Variants in HDGFL3 observed in about 807,000 individuals in gnomAD.
HDGFL3 encodes hepatoma-derived growth factor-related protein 3.
In HDGFL3, 6 loss-of-function variants were observed where a neutral mutation model predicts 27.6. That is an observed-to-expected ratio of 0.22 (90% confidence interval 0.12 to 0.43). The LOEUF is 0.43. HDGFL3 is among the 20% of genes least tolerant of loss of function. The pLI is 1.00. For missense variants in HDGFL3, 207 were observed against 250.1 expected (o/e 0.83, Z 1.16); for synonymous variants, 88 against 88.9 (o/e 0.99, Z 0.05).
At chr15:83,178,508 A>T (rs945944308) in intron 1 of HDGFL3, among the ~76,000 whole-genome samples, 9 of 152,102 alleles carry the variant, frequency 5.9e-5, no homozygotes, top group African/African-American at 2.2e-4. Flanking sequence ...CTACAACAAC[A>T]ATAAAATTAG....
intron 2 of HDGFL3, among the ~76,000 whole-genome samples, chr15:83,163,170 G>T (rs549598061): frequency 6.6e-6 from 1 of 152,312 alleles, no homozygotes; most frequent in East Asian, 1.9e-4. Context: ...TGAACAAAAA[G>T]AAGTTAGTTG....
rs772128336 is a variant in HDGFL3, at chr15:83,130,458, T to C, written c.*8812A>G. On this transcript the variant is annotated 3_prime_UTR_variant, in exon 6 of 6. Transcript: ENST00000299633. ...GGCTTATCCATCACTGCCCAGTTGATAAGGCAGCCTGAAGCCCCTCTCTTG... is the reference window on the plus strand; with the variant it reads ...GGCTTATCCATCACTGCCCAGTTGACAAGGCAGCCTGAAGCCCCTCTCTTG... 5.3e-5 allele frequency: 8 copies of C among 152,240 alleles called. No homozygotes were observed. Among genetic ancestry groups the C allele is most frequent in the Non-Finnish European group, 1.0e-4 (7 of 68,092 alleles). 9.4% of individuals were successfully genotyped at this position (152,240 alleles called of 1,614,324 possible). A position where few individuals can be genotyped will look rare whatever the true frequency, so the allele number is the denominator to read the frequency against.
At chr15:83,156,930 C>A (rs1355146547) in intron 4 of HDGFL3, among the ~76,000 whole-genome samples, 1 of 152,122 alleles carries the variant, frequency 6.6e-6, no homozygotes, top group Non-Finnish European at 1.5e-5. Context: ...ATCTCCTGAC[C>A]TTGTGATCCG....
rs1277505974 is a variant in HDGFL3, at chr15:83,130,123, TAA to T, written c.*9145_*9146del. On this transcript the variant is annotated 3_prime_UTR_variant, in exon 6 of 6. Coordinates refer to ENST00000299633, the MANE Select transcript of HDGFL3 (RefSeq NM_016073.4). Reference sequence around the variant, plus strand: ...AAGTGTCATCAGCCAGCAGGCTGGTTAAAGAGACCAGATGTTGGACCTGGTCA... The same window carrying T: ...AAGTGTCATCAGCCAGCAGGCTGGTTAGAGACCAGATGTTGGACCTGGTCA... 2 of 152,288 alleles carry T rather than the reference TAA, an allele frequency of 1.3e-5. No homozygotes were observed. The highest frequency in any genetic ancestry group is 2.1e-4 in the South Asian group (1 of 4,826). The allele number at this position is 152,288 out of a possible 1,614,324, so 9.4% of individuals were successfully genotyped here. A position where few individuals can be genotyped will look rare whatever the true frequency, so the allele number is the denominator to read the frequency against.
At chr15:83,120,639 C>A (rs1308486621) in intron 3 of HDGFL3, among the ~76,000 whole-genome samples, 1 of 146,262 alleles carries the variant, frequency 6.8e-6, no homozygotes. Context: ...GGCACAATCT[C>A]AGCTCACTGC....
rs186095232 is a variant in HDGFL3 at position 83,144,448 on chromosome 15, T to C, written c.607-5173A>G. ...AAGTGATGGGATGTCACTTCTGAGA[T>C]TAGGTTACAAAAGACTGACTTCTGT... On this transcript the variant is annotated intron_variant, in intron 5 of 5. Transcript: ENST00000299633. 19 of 456,104 alleles carry C rather than the reference T, an allele frequency of 4.2e-5. No homozygotes were observed. The East Asian group carries it at 8.3e-4, about 20-fold the overall frequency. 28.3% of individuals were successfully genotyped at this position (456,104 alleles called of 1,614,324 possible).
chr15:83,146,350 T>C (rs1596546545), intron 5 of HDGFL3, among the ~76,000 whole-genome samples: 1 of 152,214 alleles, frequency 6.6e-6, no homozygotes, highest in Admixed American at 6.5e-5. Flanking sequence ...TCTTGTGATG[T>C]AGACAGTGCT....
Position 83,207,468 on chromosome 15 carries a change from CCG to C in HDGFL3, c.-56_-55del. On this transcript the variant is annotated 5_prime_UTR_variant, in exon 1 of 6. Transcript: ENST00000299633. The surrounding 1 kb of genome is among the most constrained non-coding windows in gnomAD (Gnocchi z 4.8). The stretch of plus-strand genomic sequence containing the variant: ...TGGTCGCCGCGAAGATGCCGGGAGG[CCG>C]CCCCCCCGCGGGCCGACGAATTGCG... The C allele has an allele frequency of 8.2e-7, 1 of 1,223,096 alleles. No homozygotes were observed. The highest frequency in any genetic ancestry group is 1.0e-6 in the Non-Finnish European group (1 of 965,306). The allele number at this position is 1,223,096 out of a possible 1,614,324, so 75.8% of individuals were successfully genotyped here.
intron 1 of HDGFL3, among the ~76,000 whole-genome samples, chr15:83,188,710 A>G (rs1191497525): frequency 2.0e-5 from 3 of 152,054 alleles, no homozygotes; most frequent in South Asian, 4.1e-4. Context: ...CTCCTTTCAT[A>G]GCCCCTCTTC....
chr15:83,127,163 C>T (rs2035840867), downstream of HDGFL3, among the ~76,000 whole-genome samples: 1 of 150,936 alleles, frequency 6.6e-6, no homozygotes, highest in Non-Finnish European at 1.5e-5. Context: ...CACTGCACTC[C>T]AGCCTGAGTG....
intron 3 of HDGFL3, among the ~76,000 whole-genome samples, chr15:83,116,728 G>C (rs982755664): frequency 3.9e-5 from 6 of 152,306 alleles, no homozygotes; most frequent in Admixed American, 1.3e-4. Context: ...GTGGCTGGAT[G>C]GAGGCAGCGC....
chr15:83,192,052 C>T (rs2037517450), intron 1 of HDGFL3, among the ~76,000 whole-genome samples: 1 of 151,364 alleles, frequency 6.6e-6, no homozygotes, highest in Non-Finnish European at 1.5e-5. Flanking sequence ...AGCAATTCTC[C>T]TGCCTCAGCC....
chr15:83,140,861 C>A (rs2036756212), intron 5 of HDGFL3, among the ~76,000 whole-genome samples: 1 of 152,120 alleles, frequency 6.6e-6, no homozygotes, highest in Non-Finnish European at 1.5e-5. Context: ...AGAATAATCA[C>A]AGTAAAAACT....
chr15:83,204,237 T>C (rs2037688068), intron 1 of HDGFL3, among the ~76,000 whole-genome samples: 1 of 151,794 alleles, frequency 6.6e-6, no homozygotes, highest in African/African-American at 2.4e-5. Context: ...ATATATCATA[T>C]AGAGAGCTAT....
intron 1 of HDGFL3, among the ~76,000 whole-genome samples, chr15:83,203,088 A>G (rs1279064549): frequency 6.6e-6 from 1 of 152,116 alleles, no homozygotes; most frequent in African/African-American, 2.4e-5. Flanking sequence ...GTAACTATCA[A>G]TACACTCTAC....
chr15:83,206,352 G>A (rs979476920), intron 1 of HDGFL3, among the ~76,000 whole-genome samples: 1 of 152,072 alleles, frequency 6.6e-6, no homozygotes, highest in Non-Finnish European at 1.5e-5. Flanking sequence ...TCTCTAGAAT[G>A]CCTTGACCCT....
Position 83,156,354 on chromosome 15 carries a change from T to C in HDGFL3, c.459+1061A>G, listed in dbSNP as rs193086382. On this transcript the variant is annotated intron_variant, in intron 4 of 5. Coordinates refer to ENST00000299633, the MANE Select transcript of HDGFL3 (RefSeq NM_016073.4). ...TCAATTCCTTCACACCCTTTCACAATTTATTATTTACGTGATTACTGTGTG... is the reference window on the plus strand; with the variant it reads ...TCAATTCCTTCACACCCTTTCACAACTTATTATTTACGTGATTACTGTGTG... Among the ~76,000 whole-genome samples the C allele has an allele frequency of 4.1e-4, 63 of 152,260 alleles. 2 individuals are homozygous for C. Among genetic ancestry groups the C allele is most frequent in the Admixed American group, 3.7e-3 (57 of 15,308 alleles).
intron 5 of HDGFL3, among the ~76,000 whole-genome samples, chr15:83,141,319 G>A (rs1410537828): frequency 6.6e-6 from 1 of 152,104 alleles, no homozygotes; most frequent in African/African-American, 2.4e-5. Flanking sequence ...CTATAGGGTG[G>A]TAGCAAAACT....
intron 5 of HDGFL3, among the ~76,000 whole-genome samples, chr15:83,149,528 A>G (rs556317417): frequency 8.6e-4 from 131 of 152,322 alleles, no homozygotes; most frequent in African/African-American, 3.0e-3. Context: ...CTGGAGGAAA[A>G]GTCAGGAGGA....
Sources: allele counts gnomAD v4.1 joint callset (sites outside exome capture counted in the v4.1 genomes callset), GRCh38; gene constraint gnomAD v4.1.1; non-coding constraint Gnocchi (gnomAD v3.1); transcripts MANE v1.5; gene names NCBI Gene and HGNC (gene_info 2026-07-23, HGNC 2026-07-21).